Variants in KDM4B observed in about 807,000 individuals in gnomAD.
KDM4B encodes lysine demethylase 4B.
Under a neutral mutation model 125.2 loss-of-function variants are expected in KDM4B, and 32 were observed. The observed-to-expected ratio is 0.26, with a 90% confidence interval of 0.19 to 0.34. The LOEUF is 0.34. Ranked by LOEUF, KDM4B falls within the 10% of genes least tolerant of loss-of-function variation. The pLI is 1.00. For missense variants in KDM4B, 1,190 were observed against 1,577.7 expected, an observed-to-expected ratio of 0.75 and a Z score of 4.16; for synonymous variants, 721 against 677.9, an observed-to-expected ratio of 1.06 and a Z score of -0.99.
At chr19:5,128,162 AG>A (rs2044701439) in intron 11 of KDM4B, among the ~76,000 whole-genome samples, 2 of 151,936 alleles carry the variant, frequency 1.3e-5, no homozygotes, top group African/African-American at 2.4e-5. Context: ...CCCCGGCTGG[AG>A]TCCCCTGTGT....
At chr19:4,983,760 A>G (rs1038800068) in intron 1 of KDM4B, among the ~76,000 whole-genome samples, 4 of 152,320 alleles carry the variant, frequency 2.6e-5, no homozygotes, top group South Asian at 4.1e-4. Flanking sequence ...ATAACATCCT[A>G]TAGCCACAGG....
At chr19:5,014,887 CG>C (rs776322743) in intron 1 of KDM4B, among the ~76,000 whole-genome samples, 12 of 151,364 alleles carry the variant, frequency 7.9e-5, no homozygotes, top group Non-Finnish European at 1.5e-4. Flanking sequence ...CCCAGCTATT[CG>C]GGAGGCTGAG....
In KDM4B at chr19:5,141,843, T is replaced by A. The variant is rs1196899667; in HGVS notation, c.2551-2124T>A. On this transcript the variant is annotated intron_variant, in intron 18 of 22. Coordinates refer to ENST00000159111, the MANE Select transcript of KDM4B (RefSeq NM_015015.3). This position sits in a 1 kb window ranked among gnomAD's most constrained non-coding sequence, Gnocchi z 6.4. The stretch of plus-strand genomic sequence containing the variant: ...GGAGCTCCCTGGAGGATCTGGGAGG[T>A]CTGGGAGGGGCTTGGGATGGGGGGA... Among the ~76,000 whole-genome samples, 4 of 151,290 alleles carry A rather than the reference T, an allele frequency of 2.6e-5. No homozygotes were observed. The highest frequency in any genetic ancestry group is 5.9e-5 in the Non-Finnish European group (4 of 67,810).
chr19:5,109,036 C>T (rs1048312223), intron 9 of KDM4B, among the ~76,000 whole-genome samples: 1 of 152,244 alleles, frequency 6.6e-6, no homozygotes, highest in Non-Finnish European at 1.5e-5. Context: ...TCAACTCTGT[C>T]CCTGGCCTCT....
At chr19:4,979,293 C>A (rs2034558864) in intron 1 of KDM4B, among the ~76,000 whole-genome samples, 1 of 152,050 alleles carries the variant, frequency 6.6e-6, no homozygotes, top group Non-Finnish European at 1.5e-5. Context: ...AAAAAAACCC[C>A]AAAAAACCAA....
intron 6 of KDM4B, among the ~76,000 whole-genome samples, chr19:5,068,787 C>T (rs1287758833): frequency 3.3e-5 from 5 of 152,234 alleles, no homozygotes; most frequent in East Asian, 3.8e-4. Flanking sequence ...GCTGGGCCTG[C>T]GTCCCGCAGT....
rs369734082 is a variant in KDM4B at position 5,006,964 on chromosome 19, G to A, written c.-108-9293G>A. ...AGCACCAGCAAGGGGACACCAGAGC[G>A]GGCCCCAGCCACCTCCTGGCAGAAG... On this transcript the variant is annotated intron_variant, in intron 1 of 22. Transcript: ENST00000159111. Among the ~76,000 whole-genome samples the A allele has an allele frequency of 3.2e-4, 49 of 152,202 alleles. No homozygotes were observed. In the South Asian group the frequency reaches 8.1e-3, roughly 25 times the overall value.
chr19:5,133,394 T>C (rs1599251426), intron 13 of KDM4B, among the ~76,000 whole-genome samples: 1 of 152,090 alleles, frequency 6.6e-6, no homozygotes, highest in South Asian at 2.1e-4. Context: ...GTTCAGTGAG[T>C]CTGTGCCCAC....
chr19:5,070,822 G>A (rs139951117), intron 6 of KDM4B, 188 bp from the exon 7 acceptor site: 273 of 513,536 alleles, frequency 5.3e-4, no homozygotes, highest in African/African-American at 4.7e-3. Flanking sequence ...GCCCCACCTC[G>A]CTTCCTTACG....
intron 17 of KDM4B, 113 bp downstream of exon 17, chr19:5,137,789 C>G: frequency 1.8e-6 from 2 of 1,116,668 alleles, no homozygotes; most frequent in South Asian, 3.0e-5. Context: ...TCCACATAAC[C>G]GCCCTGTGTC....
At chr19:5,113,929 TCAGAGGACACGGC>T (rs2039202864) in intron 10 of KDM4B, 1 of 1,214,954 alleles carries the variant, frequency 8.2e-7, no homozygotes, top group Non-Finnish European at 1.1e-6. Flanking sequence ...CTGCCTGAGC[TCAGAGGACACGGC>T]CTACTCCCTG....
At chr19:4,994,488 G>A (rs1230489162) in intron 1 of KDM4B, among the ~76,000 whole-genome samples, 3 of 150,792 alleles carry the variant, frequency 2.0e-5, no homozygotes, top group African/African-American at 4.9e-5. Flanking sequence ...GCTTGAACCC[G>A]GGAGGTGGAG....
intron 1 of KDM4B, among the ~76,000 whole-genome samples, chr19:4,991,219 C>T (rs1027576098): frequency 5.3e-5 from 8 of 151,998 alleles, no homozygotes; most frequent in Admixed American, 5.2e-4. Context: ...CCAGGCCCCT[C>T]ACCCAGCCCC....
rs777925573 is a variant in KDM4B at position 5,137,957 on chromosome 19, C to T, written c.2442-5C>T. On this transcript the variant is annotated splice_polypyrimidine_tract_variant and splice_region_variant and intron_variant, in intron 17 of 22. Coordinates refer to ENST00000159111, the MANE Select transcript of KDM4B (RefSeq NM_015015.3). The stretch of plus-strand genomic sequence containing the variant: ...CACCTGACCCCGCTGCACCTGCCCT[C>T]CCAGGTGGATCCACGTGATCTGTGC... 2.1e-5 allele frequency: 34 copies of T among 1,610,108 alleles called. No homozygotes were observed. The highest frequency in any genetic ancestry group is 1.1e-4 in the East Asian group (5 of 44,854).
chr19:5,006,759 C>T (rs1002278223), intron 1 of KDM4B, among the ~76,000 whole-genome samples: 2 of 148,140 alleles, frequency 1.4e-5, no homozygotes, highest in Non-Finnish European at 1.5e-5. Context: ...GGCAACAGAG[C>T]GAAACTCCAT....
chr19:5,025,919 G>A (rs368629907), intron 2 of KDM4B, among the ~76,000 whole-genome samples: 213 of 151,426 alleles, frequency 1.4e-3, no homozygotes, highest in African/African-American at 4.8e-3. Flanking sequence ...AGTTTCACTC[G>A]TTGCCCAGGC....
At chr19:4,972,687 G>A (rs941517613) in intron 1 of KDM4B, among the ~76,000 whole-genome samples, 3 of 152,220 alleles carry the variant, frequency 2.0e-5, no homozygotes, top group Admixed American at 6.5e-5. Context: ...CTCATGGTGT[G>A]CTGTGACCGT....
intron 1 of KDM4B, among the ~76,000 whole-genome samples, chr19:4,987,073 C>G (rs1437476158): frequency 6.6e-6 from 1 of 151,996 alleles, no homozygotes; most frequent in Non-Finnish European, 1.5e-5. Flanking sequence ...ATTCTCCTGC[C>G]TCAGCCTCCT....
chr19:5,098,739 C>T (rs10415581), intron 9 of KDM4B, among the ~76,000 whole-genome samples: 6,073 of 152,064 alleles, frequency 0.04, 418 homozygotes, highest in African/African-American at 0.14. Flanking sequence ...GAAAGAGCCC[C>T]CAGAGAGCTC....
Sources: allele counts gnomAD v4.1 joint callset (sites outside exome capture counted in the v4.1 genomes callset), GRCh38; gene constraint gnomAD v4.1.1; non-coding constraint Gnocchi (gnomAD v3.1); transcripts MANE v1.5; gene names NCBI Gene and HGNC (gene_info 2026-07-23, HGNC 2026-07-21).